ANKMY1: variants seen among roughly 807,000 people sequenced by gnomAD.
ANKMY1 encodes the protein ankyrin repeat and MYND domain containing 1.
ANKMY1 carries 98 observed loss-of-function variants against 102.0 expected under a neutral mutation model. The observed-to-expected ratio is 0.96, with a 90% CI of 0.82 to 1.14. The LOEUF is 1.14. Among genes scored for constraint, ANKMY1 ranks in the 50% most tolerant of loss-of-function variants. The pLI, the probability that ANKMY1 is intolerant of heterozygous loss-of-function variation, is 0.00. For synonymous variants in ANKMY1, 582 were observed against 559.9 expected (o/e 1.04, Z -0.56); for missense variants, 1,330 against 1,347.6 (o/e 0.99, Z 0.20).
intron 9 of ANKMY1, among the ~76,000 whole-genome samples, chr2:240,516,077 C>T (rs1470658589): frequency 6.6e-6 from 1 of 151,400 alleles, no homozygotes; most frequent in Non-Finnish European, 1.5e-5. Flanking sequence ...TTCAGTTGGC[C>T]TCATGCTGTC....
intron 15 of ANKMY1, among the ~76,000 whole-genome samples, chr2:240,486,506 T>G (rs542677803): frequency 6.6e-6 from 1 of 152,358 alleles, no homozygotes; most frequent in South Asian, 2.1e-4. Flanking sequence ...GTTACTTGCT[T>G]TCAAAATACC....
At chr2:240,540,244 C>A (rs1472533001) in intron 4 of ANKMY1, among the ~76,000 whole-genome samples, 1 of 152,206 alleles carries the variant, frequency 6.6e-6, no homozygotes, top group Admixed American at 6.5e-5. Context: ...TGATTTAGGT[C>A]TTTGCTGTAG....
chr2:240,489,447 A>G (rs927335495), intron 15 of ANKMY1, among the ~76,000 whole-genome samples: 28 of 144,404 alleles, frequency 1.9e-4, no homozygotes, highest in African/African-American at 7.4e-4. Context: ...ACAGAGCAAG[A>G]CTCTATCTCA....
At chr2:240,502,374 C>A (rs1295375974) in intron 13 of ANKMY1, among the ~76,000 whole-genome samples, 2 of 152,022 alleles carry the variant, frequency 1.3e-5, no homozygotes, top group African/African-American at 4.8e-5. Context: ...CCCTCTGGCC[C>A]AACATCTCAG....
chr2:240,521,491 CTTTTTT>C (rs1162330484), intron 8 of ANKMY1, among the ~76,000 whole-genome samples: 9 of 69,626 alleles, frequency 1.3e-4, no homozygotes, highest in African/African-American at 3.6e-4. Context: ...GGTGTTACAG[CTTTTTT>C]TTTTTTTTTT....
intron 12 of ANKMY1, 146 bp downstream of exon 12, chr2:240,509,202 T>G: frequency 1.6e-6 from 1 of 628,044 alleles, no homozygotes; most frequent in South Asian, 2.1e-5. Flanking sequence ...GATGGGTGGG[T>G]GAGTGGATGG....
At chr2:240,545,086 C>A (rs1461085806) in intron 4 of ANKMY1, among the ~76,000 whole-genome samples, 1 of 150,848 alleles carries the variant, frequency 6.6e-6, no homozygotes, top group Non-Finnish European at 1.5e-5. Context: ...ACAACAGTAA[C>A]CTCTGCAGAC....
rs866138033 is a variant in ANKMY1 at position 240,485,152 on chromosome 2, C to T, written c.2807-2891G>A. ...GACCATCCTGGCTAACACAGTGAAA[C>T]CCCGTCTCTACTAAAAACACAAAAA... On this transcript the variant is annotated intron_variant, in intron 15 of 17. Coordinates refer to ENST00000401804, the MANE Select transcript of ANKMY1 (RefSeq NM_001282771.3). Among the ~76,000 whole-genome samples, 9 of 152,108 alleles carry T rather than the reference C, an allele frequency of 5.9e-5. No homozygotes were observed. In the South Asian group the frequency reaches 6.2e-4, roughly 11 times the overall value.
Position 240,529,228 on chromosome 2 carries a change from C to G in ANKMY1, c.762G>C (p.Thr254=). ...AGTAGACATACATTTCTGGAGGCAG[C>G]GTTAGGTTGTCATTCAGAAGAAACC... is the stretch of plus-strand genomic sequence containing the variant. ...YKRFLLNDNL[T]LPPEMYVYST... is the part of the protein sequence containing the mutation. Residue 254 remains threonine (T), a synonymous_variant, in exon 5 of 18, where the codon ACG becomes ACC. Coordinates refer to ENST00000401804, the MANE Select transcript of ANKMY1 (RefSeq NM_001282771.3). The surrounding 1 kb of genome is among the most constrained non-coding windows in gnomAD (Gnocchi z 4.2). 1 of 1,614,140 alleles carries G rather than the reference C, an allele frequency of 6.2e-7. No homozygotes were observed. The highest frequency in any genetic ancestry group is 8.5e-7 in the Non-Finnish European group (1 of 1,180,030).
intron 15 of ANKMY1, among the ~76,000 whole-genome samples, chr2:240,484,197 C>A (rs1002204702): frequency 8.5e-5 from 13 of 152,132 alleles, no homozygotes; most frequent in African/African-American, 3.1e-4. Flanking sequence ...TGAGTAGATA[C>A]CCAGTAATGG....
intron 5 of ANKMY1, among the ~76,000 whole-genome samples, chr2:240,528,300 C>CG (rs1366761617): frequency 1.4e-5 from 2 of 138,292 alleles, no homozygotes; most frequent in South Asian, 2.5e-4. Flanking sequence ...CCCACCCCCC[C>CG]CCCAAAAAAA....
chr2:240,552,880 T>A (rs2091763825), intron 4 of ANKMY1, 34 bp downstream of exon 4: 11 of 1,612,968 alleles, frequency 6.8e-6, no homozygotes, highest in Non-Finnish European at 9.3e-6. Context: ...CACAGCCACT[T>A]CGACCCCAGC....
At position 240,547,912 on chromosome 2, in the gene ANKMY1, A is replaced by G. The variant is rs1575336106; in HGVS notation, c.480+5002T>C. On this transcript the variant is annotated intron_variant, in intron 4 of 17. Coordinates refer to ENST00000401804, the MANE Select transcript of ANKMY1 (RefSeq NM_001282771.3). ...AAAGAGTCCAGGACCAGATGGATTC[A>G]CAGCCGAATTCTACCAGAGGTACAA... Among the ~76,000 whole-genome samples the G allele has an allele frequency of 5.3e-5, 8 of 152,342 alleles. No individual in the cohort carries two copies. In the South Asian group the frequency reaches 1.7e-3, roughly 32 times the overall value.
chr2:240,508,695 G>A (rs867115038), intron 12 of ANKMY1, among the ~76,000 whole-genome samples: 2 of 152,196 alleles, frequency 1.3e-5, no homozygotes, highest in South Asian at 2.1e-4. Flanking sequence ...AACACCTAGT[G>A]CCTAGAATGG....
At chr2:240,560,870 C>A, upstream of ANKMY1, 1 of 1,390,990 alleles carries the variant, frequency 7.2e-7, no homozygotes, top group Non-Finnish European at 9.4e-7. Flanking sequence ...GCGCGCCCGG[C>A]GTGGCAGAGC....
chr2:240,553,361 T>A (rs1320387028), intron 3 of ANKMY1: 1 of 360,846 alleles, frequency 2.8e-6, no homozygotes, highest in Admixed American at 4.1e-5. Context: ...TTCTCCCTGG[T>A]GACCTTGATC....
chr2:240,469,276 G>A, the ANKMY1 span, among the ~76,000 whole-genome samples: 4 of 152,264 alleles, frequency 2.6e-5, no homozygotes, highest in East Asian at 7.7e-4. Context: ...CCGACACCAC[G>A]CCAGGAGTGG....
Position 240,524,300 on chromosome 2 carries a change from T to C in ANKMY1, c.1417A>G (p.Asn473Asp). The change falls in exon 8 of 18, where the codon AAC becomes GAC. Residue 473 changes from asparagine to aspartate, a missense_variant. Physicochemically the swap from Asn to Asp is conservative, Grantham distance 23. Transcript: ENST00000401804. ...TNLESLYYEV[N>D]VPSQGSYELR... is the part of the protein sequence containing the mutation. ...TCATAGCTACCCTGGGAAGGCACGT[T>C]CACCTCATAGTACAGAGACTCCAGG... 6.2e-7 allele frequency: 1 copy of C among 1,613,814 alleles called. No homozygotes were observed. The highest frequency in any genetic ancestry group is 8.5e-7 in the Non-Finnish European group (1 of 1,180,022).
chr2:240,523,730 G>T, intron 8 of ANKMY1, 155 bp downstream of exon 8: 1 of 1,271,034 alleles, frequency 7.9e-7, no homozygotes, highest in Non-Finnish European at 1.1e-6. Flanking sequence ...TGGCCATGGC[G>T]TGGAGCCACC....
Sources: gnomAD v4.1 joint callset for allele counts (sites outside exome capture counted in the v4.1 genomes callset) on GRCh38, gnomAD v4.1.1 for gene constraint, Gnocchi (gnomAD v3.1) non-coding constraint, MANE v1.5 for transcripts, NCBI Gene and HGNC (gene_info 2026-07-23, HGNC 2026-07-21) for gene names.